Variants in GLG1 observed in about 807,000 individuals in gnomAD.
GLG1 encodes golgi glycoprotein 1.
GLG1 carries 38 observed loss-of-function variants against 160.5 expected under a neutral mutation model. The ratio of observed to expected loss-of-function variants is 0.24; its 90% CI spans 0.18 to 0.31. GLG1 has a LOEUF of 0.31. Among genes scored for constraint, GLG1 ranks in the 10% least tolerant of loss-of-function variants. The probability of loss-of-function intolerance (pLI) is 1.00; values close to 1 mark genes in which losing one functional copy is unlikely to be tolerated. For missense variants in GLG1, 1,373 were observed against 1,505.2 expected, an observed-to-expected ratio of 0.91 and a Z score of 1.45; for synonymous variants, 644 against 543.4, an observed-to-expected ratio of 1.19 and a Z score of -2.57.
At chr16:74,582,770 A>C (rs1957967743) in intron 1 of GLG1, among the ~76,000 whole-genome samples, 1 of 151,978 alleles carries the variant, frequency 6.6e-6, no homozygotes, top group African/African-American at 2.4e-5. Context: ...CAGTGAGCCG[A>C]GATCGCGCCA....
chr16:74,516,222 A>T (rs2016974297), intron 2 of GLG1, among the ~76,000 whole-genome samples: 1 of 151,650 alleles, frequency 6.6e-6, no homozygotes, highest in Non-Finnish European at 1.5e-5. Flanking sequence ...ACATCTACAG[A>T]ACTCTCCACC....
At chr16:74,560,792 C>T (rs1452149026) in intron 1 of GLG1, among the ~76,000 whole-genome samples, 13 of 151,576 alleles carry the variant, frequency 8.6e-5, no homozygotes, top group Non-Finnish European at 1.8e-4. Context: ...TGAGACCAGA[C>T]TGGGCAACAC....
chr16:74,557,056 A>C (rs1052386702), intron 1 of GLG1, among the ~76,000 whole-genome samples: 1 of 152,192 alleles, frequency 6.6e-6, no homozygotes, highest in Non-Finnish European at 1.5e-5. Context: ...CAGTAGAAAG[A>C]ATCTTTATAT....
In GLG1 at chr16:74,557,753, C is replaced by CT. The variant is rs202239553; in HGVS notation, c.439-25601dup. On this transcript the variant is annotated intron_variant, in intron 1 of 25. Coordinates refer to ENST00000422840, the MANE Select transcript of GLG1 (RefSeq NM_001145667.2). ...CCTTGGTAGAAAGTGTCCTGTGTGTCTTTTTTTTTTTTGGTAGGGTTGGGG... is the reference window on the plus strand; with the variant it reads ...CCTTGGTAGAAAGTGTCCTGTGTGTCTTTTTTTTTTTTTGGTAGGGTTGGGG... Among the ~76,000 whole-genome samples the CT allele has an allele frequency of 0.012, 1,703 of 143,798 alleles. 48 individuals are homozygous for CT. In the East Asian group the frequency reaches 0.13, roughly 11 times the overall value. 94.3% of individuals were successfully genotyped at this position (143,798 alleles called of 152,430 possible).
intron 2 of GLG1, among the ~76,000 whole-genome samples, chr16:74,509,972 C>A (rs998518670): frequency 6.6e-6 from 1 of 151,948 alleles, no homozygotes; most frequent in Non-Finnish European, 1.5e-5. Context: ...CAAGTGCGAG[C>A]CAGCATGCCC....
intron 22 of GLG1, 39 bp from the exon 23 acceptor site, chr16:74,459,828 G>C: frequency 1.0e-6 from 1 of 977,376 alleles, no homozygotes; most frequent in Non-Finnish European, 1.6e-6. Context: ...ACCCCACTGA[G>C]CACAGAAATG....
intron 1 of GLG1, among the ~76,000 whole-genome samples, chr16:74,573,394 T>A (rs1267012167): frequency 6.6e-6 from 1 of 152,088 alleles, no homozygotes; most frequent in East Asian, 1.9e-4. Flanking sequence ...ATTCTGAAAA[T>A]TTGATGCCAG....
At chr16:74,603,979 A>C (rs1219689511) in intron 1 of GLG1, among the ~76,000 whole-genome samples, 1 of 151,234 alleles carries the variant, frequency 6.6e-6, no homozygotes, top group Admixed American at 6.6e-5. Flanking sequence ...CTCATCCGAG[A>C]GCGTTAAAAA....
intron 1 of GLG1, among the ~76,000 whole-genome samples, chr16:74,605,601 G>GTA (rs1181287691): frequency 3.3e-5 from 5 of 152,180 alleles, no homozygotes; most frequent in South Asian, 2.1e-4. Context: ...TCCTGCTTAT[G>GTA]TATGTCTTTT....
chr16:74,534,128 T>C (rs188120400), intron 1 of GLG1, among the ~76,000 whole-genome samples: 20 of 152,174 alleles, frequency 1.3e-4, no homozygotes, highest in Non-Finnish European at 2.5e-4. Context: ...CATAAGATTC[T>C]ATTATATAAC....
At chr16:74,502,954 C>T (rs1372786179) in intron 4 of GLG1, among the ~76,000 whole-genome samples, 3 of 151,502 alleles carry the variant, frequency 2.0e-5, no homozygotes, top group Non-Finnish European at 4.4e-5. Flanking sequence ...CGTCTGTAAT[C>T]CCAGCACTTT....
chr16:74,523,291 A>C (rs2143566032), intron 2 of GLG1, among the ~76,000 whole-genome samples: 1 of 152,306 alleles, frequency 6.6e-6, no homozygotes, highest in Admixed American at 6.5e-5. Context: ...TTAAGGGTTA[A>C]GATTCTTTAT....
chr16:74,520,092 T>G (rs1335603110), intron 2 of GLG1, among the ~76,000 whole-genome samples: 1 of 152,250 alleles, frequency 6.6e-6, no homozygotes, highest in Admixed American at 6.5e-5. Flanking sequence ...TCAATCTCTT[T>G]ACTAGAAATG....
intron 19 of GLG1, among the ~76,000 whole-genome samples, chr16:74,464,235 G>GT (rs1446894474): frequency 6.6e-6 from 1 of 152,152 alleles, no homozygotes; most frequent in Non-Finnish European, 1.5e-5. Flanking sequence ...AAGCATGAAT[G>GT]TAACACTGTA....
intron 9 of GLG1, 127 bp downstream of exon 9, chr16:74,485,669 T>C (rs1484456113): frequency 2.6e-6 from 2 of 769,896 alleles, no homozygotes; most frequent in African/African-American, 3.5e-5. Context: ...AGTTGGTGTA[T>C]GTTCAACTTG....
chr16:74,477,977 A>T (rs368862837), intron 11 of GLG1, among the ~76,000 whole-genome samples: 3 of 140,144 alleles, frequency 2.1e-5, no homozygotes, highest in South Asian at 2.8e-4. Context: ...CCGTCTCAAA[A>T]AAATAAATAA....
chr16:74,471,297 C>G lies in GLG1; in HGVS notation c.2116-11G>C. 1.4e-6 allele frequency: 2 copies of G among 1,404,482 alleles called. No homozygotes were observed. The highest frequency in any genetic ancestry group is 2.0e-6 in the Non-Finnish European group (2 of 988,978). 87.0% of individuals were successfully genotyped at this position (1,404,482 alleles called of 1,614,324 possible). A position where few individuals can be genotyped will look rare whatever the true frequency, so the allele number is the denominator to read the frequency against. On this transcript the variant is annotated splice_polypyrimidine_tract_variant and intron_variant, in intron 14 of 25. Coordinates refer to ENST00000422840, the MANE Select transcript of GLG1 (RefSeq NM_001145667.2). ...GTTATCTGCCACATCCTGGGGAAGA[C>G]AGCATGCATTTACACTTCATTGGTA...
In GLG1 at chr16:74,460,053, C is replaced by T. The variant is rs1403201213; in HGVS notation, c.3037-264G>A. Among the ~76,000 whole-genome samples the T allele has an allele frequency of 2.0e-5, 3 of 147,974 alleles. No homozygotes were observed. The East Asian group carries it at 5.9e-4, about 29-fold the overall frequency. On this transcript the variant is annotated intron_variant, in intron 22 of 25. Transcript: ENST00000422840. The stretch of plus-strand genomic sequence containing the variant: ...TTTTTTTTTTTTAGACAGAGTCTTG[C>T]TCTTGTTGCCCAGGCTGAAGTACAA...
chr16:74,599,343 C>T (rs1282493330), intron 1 of GLG1, among the ~76,000 whole-genome samples: 3 of 152,168 alleles, frequency 2.0e-5, no homozygotes, highest in Admixed American at 6.5e-5. Flanking sequence ...CCCTTTCCAC[C>T]TGTGCTACGA....
Sources: allele counts gnomAD v4.1 joint callset (sites outside exome capture counted in the v4.1 genomes callset), GRCh38; gene constraint gnomAD v4.1.1; transcripts MANE v1.5; gene names NCBI Gene and HGNC (gene_info 2026-07-23, HGNC 2026-07-21).